The following ZNRF2 variants were observed in gnomAD, a reference collection of about 807,000 sequenced individuals.
ZNRF2 encodes the protein zinc and ring finger 2.
ZNRF2 carries 16 observed loss-of-function variants against 20.4 expected under a neutral mutation model. That is an observed-to-expected ratio of 0.79 (90% CI 0.53 to 1.19). ZNRF2 has a LOEUF of 1.19. Among genes scored for constraint, ZNRF2 ranks in the 50% most tolerant of loss-of-function variants. ZNRF2 has a pLI of 0.00. For synonymous variants in ZNRF2, 178 were observed against 144.9 expected (o/e 1.23, Z -1.64); for missense variants, 363 against 332.4 (o/e 1.09, Z -0.72).
At chr7:30,351,852 CATAA>C (rs1482228273) in intron 2 of ZNRF2, among the ~76,000 whole-genome samples, 2 of 151,884 alleles carry the variant, frequency 1.3e-5, no homozygotes, top group Non-Finnish European at 2.9e-5. Context: ...GAAGCCAAAA[CATAA>C]ATTAATTAGA....
intron 2 of ZNRF2, among the ~76,000 whole-genome samples, chr7:30,350,913 T>G (rs1359268687): frequency 1.3e-5 from 2 of 151,968 alleles, no homozygotes; most frequent in African/African-American, 4.8e-5. Flanking sequence ...GGATGCTTGA[T>G]CTGAAAATAA....
At chr7:30,312,571 T>C (rs1161885725) in intron 1 of ZNRF2, among the ~76,000 whole-genome samples, 1 of 152,206 alleles carries the variant, frequency 6.6e-6, no homozygotes, top group African/African-American at 2.4e-5. Flanking sequence ...GATATATTTG[T>C]TCATTCACCC....
intron 1 of ZNRF2, among the ~76,000 whole-genome samples, chr7:30,298,994 G>T (rs1799063544): frequency 6.6e-6 from 1 of 152,064 alleles, no homozygotes; most frequent in Admixed American, 6.5e-5. Context: ...TTTTATAGGT[G>T]TATTCCCTTT....
chr7:30,355,832 G>A lies in ZNRF2; in HGVS notation c.670G>A (p.Gly224Ser). Residue 224 changes from glycine to serine, a missense_variant and splice_region_variant, in exon 3 of 5, where the codon GGC becomes AGC. Physicochemically the swap from Gly to Ser is moderately conservative, Grantham distance 56. This residue lies in a region of ZNRF2 where 61 missense variants were observed against 100.9 expected (regional missense o/e 0.60). Coordinates refer to ENST00000323037, the MANE Select transcript of ZNRF2 (RefSeq NM_147128.4). ...GCCTTGTCTATGCATATATCATAAA[G>A]GGTAAGTTCACCAAGTTGGTATTAG... is the stretch of plus-strand genomic sequence containing the variant. ...RLPCLCIYHK[G>S]CIDEWFEVNR... 1 of 1,609,068 alleles carries A rather than the reference G, an allele frequency of 6.2e-7. No homozygotes were observed. The highest frequency in any genetic ancestry group is 8.5e-7 in the Non-Finnish European group (1 of 1,176,452).
intron 2 of ZNRF2, among the ~76,000 whole-genome samples, chr7:30,349,413 C>T (rs560501563): frequency 2.0e-4 from 31 of 152,138 alleles, no homozygotes; most frequent in African/African-American, 5.5e-4. Context: ...TCCCTTCTTG[C>T]GAATAATCAC....
intron 1 of ZNRF2, among the ~76,000 whole-genome samples, chr7:30,305,030 T>G (rs77361956): frequency 0.044 from 6,642 of 152,284 alleles, 467 homozygotes; most frequent in African/African-American, 0.15. Flanking sequence ...TATATTTTAC[T>G]GTTATCTGTG....
intron 2 of ZNRF2, among the ~76,000 whole-genome samples, chr7:30,352,991 A>AGG (rs1274001440): frequency 2.0e-5 from 3 of 152,098 alleles, no homozygotes; most frequent in Non-Finnish European, 4.4e-5. Context: ...GTGTCATTAT[A>AGG]GGGGTGAGAG....
chr7:30,320,514 A>G (rs576240648), intron 1 of ZNRF2, among the ~76,000 whole-genome samples: 1 of 152,142 alleles, frequency 6.6e-6, no homozygotes, highest in Non-Finnish European at 1.5e-5. Flanking sequence ...TGGAGGTGAT[A>G]TGCATTCTGT....
At chr7:30,311,328 C>T (rs1251605534) in intron 1 of ZNRF2, among the ~76,000 whole-genome samples, 1 of 152,150 alleles carries the variant, frequency 6.6e-6, no homozygotes, top group East Asian at 1.9e-4. Context: ...TAATTCCTTT[C>T]ATTCCTAAAG....
chr7:30,289,807 G>A (rs543617050), intron 1 of ZNRF2: 55 of 534,368 alleles, frequency 1.0e-4, no homozygotes, highest in Admixed American at 7.8e-4. Flanking sequence ...TGCTTTGCTG[G>A]CTGGTGCAGT....
chr7:30,361,650 A>G (rs979158330), intron 3 of ZNRF2, among the ~76,000 whole-genome samples: 2 of 152,174 alleles, frequency 1.3e-5, no homozygotes, highest in African/African-American at 4.8e-5. Flanking sequence ...GCTGTCCCCT[A>G]GAGTAGTCGT....
intron 1 of ZNRF2, among the ~76,000 whole-genome samples, chr7:30,297,309 A>C (rs1219683088): frequency 1.3e-5 from 2 of 151,922 alleles, no homozygotes; most frequent in African/African-American, 2.4e-5. Flanking sequence ...ATCATCTTGG[A>C]GATTGTATTT....
intron 1 of ZNRF2, among the ~76,000 whole-genome samples, chr7:30,307,494 A>G (rs1485826839): frequency 6.6e-6 from 1 of 151,616 alleles, no homozygotes; most frequent in East Asian, 1.9e-4. Flanking sequence ...TGTACATTAA[A>G]AGCATAATAA....
chr7:30,311,593 C>T (rs889810644), intron 1 of ZNRF2, among the ~76,000 whole-genome samples: 2 of 152,116 alleles, frequency 1.3e-5, no homozygotes, highest in African/African-American at 4.8e-5. Context: ...AAGAAAGTTG[C>T]GCTGGGTTCT....
At position 30,285,373 on chromosome 7, in the gene ZNRF2, A is replaced by T; in HGVS notation, c.16A>T (p.Ser6Cys). ...CAGGGCGGACATGGGCGCCAAACAG[A>T]GCGGCCCGGCCGCCGCTAACGGCCG... MGAKQ[S>C]GPAAANGRTR... Residue 6 changes from serine (S) to cysteine (C), a missense_variant, in exon 1 of 5, where the codon AGC (serine) becomes TGC (cysteine). Physicochemically the swap from Ser to Cys is moderately radical, Grantham distance 112 (BLOSUM62 -1). Coordinates refer to ENST00000323037, the MANE Select transcript of ZNRF2 (RefSeq NM_147128.4). The T allele has an allele frequency of 8.2e-7, 1 of 1,216,958 alleles. No homozygotes were observed. The highest frequency in any genetic ancestry group is 1.0e-6 in the Non-Finnish European group (1 of 962,838). 75.4% of individuals were successfully genotyped at this position (1,216,958 alleles called of 1,614,324 possible). A position where few individuals can be genotyped will look rare whatever the true frequency, so the allele number is the denominator to read the frequency against.
In ZNRF2 at chr7:30,285,765, C is replaced by T. The variant is rs1002714660; in HGVS notation, c.408C>T (p.Pro136=). The T allele has an allele frequency of 1.1e-5, 17 of 1,487,052 alleles. No homozygotes were observed. The highest frequency in any genetic ancestry group is 3.9e-5 in the South Asian group (3 of 76,024). 92.1% of individuals were successfully genotyped at this position (1,487,052 alleles called of 1,614,324 possible). ...GGRDRPVGGS[P]GGPRLVIGSL... The stretch of plus-strand genomic sequence containing the variant: ...GGGACCGGCCGGTGGGCGGGAGCCC[C>T]GGCGGGCCGCGCCTGGTGATCGGCT... Residue 136 remains proline (P), a synonymous_variant, in exon 1 of 5, where the codon CCC becomes CCT. Transcript: ENST00000323037.
chr7:30,336,300 CAG>C (rs1799715399), intron 2 of ZNRF2, among the ~76,000 whole-genome samples: 2 of 152,102 alleles, frequency 1.3e-5, no homozygotes, highest in South Asian at 4.2e-4. Context: ...GGATTTGCCT[CAG>C]AAGTGGCCAT....
intron 2 of ZNRF2, among the ~76,000 whole-genome samples, chr7:30,335,042 A>G (rs1162320303): frequency 6.8e-6 from 1 of 148,114 alleles, no homozygotes; most frequent in Non-Finnish European, 1.5e-5. Context: ...GAAAATAAAA[A>G]TAATTAGTTT....
At chr7:30,365,957 T>G (rs1050759156) in intron 4 of ZNRF2, 78 bp from the exon 5 acceptor site, 1 of 152,102 alleles carries the variant, frequency 6.6e-6, no homozygotes, top group Non-Finnish European at 1.5e-5. Flanking sequence ...ATTTTATGAG[T>G]TTTCAGAATA....
Sources: allele counts gnomAD v4.1 joint callset (sites outside exome capture counted in the v4.1 genomes callset), GRCh38; gene constraint gnomAD v4.1.1; regional missense constraint gnomAD v4.1.1; transcripts MANE v1.5; gene names NCBI Gene and HGNC (gene_info 2026-07-23, HGNC 2026-07-21).